Variants in RAB22A observed in about 807,000 individuals in gnomAD.
RAB22A encodes the protein ras-related protein Rab-22A.
A neutral mutation model predicts 30.2 loss-of-function variants in RAB22A; 13 were observed. The observed-to-expected ratio is 0.43, with a 90% CI of 0.28 to 0.68. The LOEUF (loss-of-function observed/expected upper bound fraction) is 0.68, where lower values mean the gene tolerates loss of function less well. Ranked by LOEUF, RAB22A falls within the 30% of genes least tolerant of loss-of-function variation. The pLI is 0.18. For missense variants in RAB22A, 177 were observed against 246.8 expected, an observed-to-expected ratio of 0.72 and a Z score of 1.89; for synonymous variants, 89 against 87.2, an observed-to-expected ratio of 1.02 and a Z score of -0.11.
chr20:58,353,246 T>G (rs777984717), intron 3 of RAB22A, 27 bp from the exon 4 acceptor site: 78 of 1,597,106 alleles, frequency 4.9e-5, no homozygotes, highest in Admixed American at 6.8e-5. Flanking sequence ...TTTCCCAATT[T>G]TGTTTATTTT....
rs1987292210 is a variant in RAB22A at position 58,365,085 on chromosome 20, G to C, written c.*5382G>C. On this transcript the variant is annotated 3_prime_UTR_variant, in exon 7 of 7. Coordinates refer to ENST00000244040, the MANE Select transcript of RAB22A (RefSeq NM_020673.3). ...TCTTAATTGACAGTTTTAAGCTGTA[G>C]ACATTAATATTATAACAAACAAAAC... 1 of 152,110 alleles carries C rather than the reference G, an allele frequency of 6.6e-6. No individual in the cohort carries two copies. The highest frequency in any genetic ancestry group is 1.5e-5 in the Non-Finnish European group (1 of 68,022). 9.4% of individuals were successfully genotyped at this position (152,110 alleles called of 1,614,324 possible).
Position 58,310,064 on chromosome 20 carries a change from G to A in RAB22A, c.36+52G>A, listed in dbSNP as rs924137976. The A allele has an allele frequency of 1.2e-5, 15 of 1,253,646 alleles. No individual in the cohort carries two copies. In the African/African-American group the frequency reaches 2.0e-4, roughly 17 times the overall value. 77.7% of individuals were successfully genotyped at this position (1,253,646 alleles called of 1,614,324 possible). A position where few individuals can be genotyped will look rare whatever the true frequency, so the allele number is the denominator to read the frequency against. On this transcript the variant is annotated intron_variant, in intron 1 of 6. Coordinates refer to ENST00000244040, the MANE Select transcript of RAB22A (RefSeq NM_020673.3). ...GGGCCACGGGAGGCTGGGCTGGCGG[G>A]GACCCCGGATCCCCCCTGTCCCCTC...
chr20:58,334,866 G>C (rs1190309193), intron 2 of RAB22A, among the ~76,000 whole-genome samples: 1 of 151,802 alleles, frequency 6.6e-6, no homozygotes, highest in Non-Finnish European at 1.5e-5. Context: ...ATGTTGGCAA[G>C]AATATGGAAT....
chr20:58,323,714 C>T (rs919820560), intron 2 of RAB22A, among the ~76,000 whole-genome samples: 1 of 150,660 alleles, frequency 6.6e-6, no homozygotes, highest in Non-Finnish European at 1.5e-5. Context: ...AAGTGATCCT[C>T]CTGCCTCAAC....
chr20:58,321,503 C>T (rs143285474), intron 2 of RAB22A, among the ~76,000 whole-genome samples: 3 of 152,160 alleles, frequency 2.0e-5, no homozygotes. Context: ...ATGTGCATTC[C>T]GCTACTGATG....
intron 2 of RAB22A, among the ~76,000 whole-genome samples, chr20:58,340,884 G>A (rs1986843721): frequency 6.6e-6 from 1 of 152,098 alleles, no homozygotes; most frequent in African/African-American, 2.4e-5. Context: ...GAGAGCCAGT[G>A]GGAAAGCATC....
rs994859831 is a variant in RAB22A, at chr20:58,311,202, C to A, written c.116+80C>A. On this transcript the variant is annotated intron_variant, in intron 2 of 6. Coordinates refer to ENST00000244040, the MANE Select transcript of RAB22A (RefSeq NM_020673.3). ...TACATAGTGTGTTACAGGTGTAGGC[C>A]CTGCGCTTTGTAGTCATTGAATTCT... 6 of 1,300,224 alleles carry A rather than the reference C, an allele frequency of 4.6e-6. No individual in the cohort carries two copies. The African/African-American group carries it at 8.8e-5, about 19-fold the overall frequency. The allele number at this position is 1,300,224 out of a possible 1,614,324, so 80.5% of individuals were successfully genotyped here.
At chr20:58,354,070 A>T in intron 5 of RAB22A, 86 bp from the exon 6 acceptor site, 2 of 896,784 alleles carry the variant, frequency 2.2e-6, no homozygotes, top group Non-Finnish European at 3.5e-6. Flanking sequence ...CTTTGTCATC[A>T]TAAATCTGGT....
chr20:58,356,554 A>G (rs1217427718), intron 6 of RAB22A, among the ~76,000 whole-genome samples: 1 of 152,214 alleles, frequency 6.6e-6, no homozygotes, highest in Non-Finnish European at 1.5e-5. Flanking sequence ...ATGTGCACGT[A>G]TCAGAAGTAT....
At chr20:58,348,628 A>G (rs191367655) in intron 3 of RAB22A, among the ~76,000 whole-genome samples, 2 of 152,274 alleles carry the variant, frequency 1.3e-5, no homozygotes, top group East Asian at 1.9e-4. Flanking sequence ...GCCACATCCA[A>G]CCTGCCACCA....
chr20:58,347,577 T>G (rs1259479875), intron 3 of RAB22A, among the ~76,000 whole-genome samples: 2 of 152,200 alleles, frequency 1.3e-5, no homozygotes, highest in Non-Finnish European at 2.9e-5. Flanking sequence ...ATCAGAAAAT[T>G]CATAGCCAAG....
intron 2 of RAB22A, among the ~76,000 whole-genome samples, chr20:58,322,136 C>G (rs1986473016): frequency 6.6e-6 from 1 of 152,206 alleles, no homozygotes; most frequent in South Asian, 2.1e-4. Context: ...TTACAAACGT[C>G]ATGAAATGTC....
rs745858303 is a variant in RAB22A at position 58,359,643 on chromosome 20, T to C, written c.525T>C (p.Ser175=). The C allele has an allele frequency of 1.2e-6, 2 of 1,612,966 alleles. No homozygotes were observed. Among genetic ancestry groups the C allele is most frequent in the Non-Finnish European group, 1.7e-6 (2 of 1,179,076 alleles). Residue 175 remains serine (S), a synonymous_variant, in exon 7 of 7, where the codon TCT becomes TCC. Transcript: ENST00000244040. ...CATCCACTGACGCCAACCTGCCATC[T>C]GGCGGTAAGGGCTTCAAACTCCGAA... ...RIPSTDANLP[S]GGKGFKLRRQ...
At chr20:58,327,031 G>A (rs1986580619) in intron 2 of RAB22A, among the ~76,000 whole-genome samples, 1 of 152,152 alleles carries the variant, frequency 6.6e-6, no homozygotes, top group Non-Finnish European at 1.5e-5. Context: ...TTGTGGCCGG[G>A]CACAGTCGCT....
intron 3 of RAB22A, among the ~76,000 whole-genome samples, chr20:58,346,932 G>A (rs1301099140): frequency 1.3e-5 from 2 of 152,216 alleles, no homozygotes; most frequent in East Asian, 1.9e-4. Context: ...GGCAAGGACT[G>A]CCTTCATATC....
chr20:58,332,270 C>T (rs966231912), intron 2 of RAB22A, among the ~76,000 whole-genome samples: 3 of 152,196 alleles, frequency 2.0e-5, no homozygotes, highest in Non-Finnish European at 4.4e-5. Flanking sequence ...GCCGTAGCTG[C>T]TCTCATCCTC....
chr20:58,331,887 C>T (rs1260099911), intron 2 of RAB22A, among the ~76,000 whole-genome samples: 1 of 152,170 alleles, frequency 6.6e-6, no homozygotes, highest in Non-Finnish European at 1.5e-5. Flanking sequence ...AACAGAGACA[C>T]CTGGGACTCC....
intron 2 of RAB22A, among the ~76,000 whole-genome samples, chr20:58,315,773 A>G (rs1381387088): frequency 6.6e-6 from 1 of 151,692 alleles, no homozygotes; most frequent in Non-Finnish European, 1.5e-5. Context: ...CCATCCTCAC[A>G]TCTGAGCCCT....
chr20:58,314,014 A>C (rs1223089126), intron 2 of RAB22A, among the ~76,000 whole-genome samples: 1 of 151,836 alleles, frequency 6.6e-6, no homozygotes, highest in African/African-American at 2.4e-5. Flanking sequence ...ACAAGAAGCT[A>C]CATTATGACT....
Sources: allele counts gnomAD v4.1 joint callset (sites outside exome capture counted in the v4.1 genomes callset), GRCh38; gene constraint gnomAD v4.1.1; transcripts MANE v1.5; gene names NCBI Gene and HGNC (gene_info 2026-07-23, HGNC 2026-07-21).